SNX24: variants seen among roughly 807,000 people sequenced by gnomAD.
SNX24 encodes sorting nexin-24.
A neutral mutation model predicts 28.7 loss-of-function variants in SNX24; 22 were observed. That is an observed-to-expected ratio of 0.77 (90% CI 0.55 to 1.10). The LOEUF (loss-of-function observed/expected upper bound fraction) is 1.10, where lower values mean the gene tolerates loss of function less well. Ranked by LOEUF, SNX24 falls within the 50% of genes least tolerant of loss-of-function variation. The pLI is 0.00. For synonymous variants in SNX24, 69 were observed against 71.5 expected (o/e 0.96, Z 0.18); for missense variants, 221 against 201.1 (o/e 1.10, Z -0.60).
intron 1 of SNX24, among the ~76,000 whole-genome samples, chr5:122,915,003 C>T (rs979258341): frequency 1.3e-5 from 2 of 152,004 alleles, no homozygotes; most frequent in East Asian, 1.9e-4. Flanking sequence ...AACAGATGCA[C>T]GTTGAGTGTC....
chr5:122,928,044 TA>T (rs1327877635), intron 1 of SNX24, among the ~76,000 whole-genome samples: 1 of 152,242 alleles, frequency 6.6e-6, no homozygotes, highest in African/African-American at 2.4e-5. Flanking sequence ...ATAACATTTT[TA>T]TGTATTTTTA....
rs114837952 is a variant in SNX24, at chr5:122,868,078, A to G, written c.60+22385A>G. Among the ~76,000 whole-genome samples the G allele has an allele frequency of 8.3e-3, 1,263 of 152,350 alleles. 18 individuals are homozygous for G. Among genetic ancestry groups the G allele is most frequent in the African/African-American group, 0.029 (1,197 of 41,574 alleles). On this transcript the variant is annotated intron_variant, in intron 1 of 6. Coordinates refer to ENST00000261369, the MANE Select transcript of SNX24 (RefSeq NM_014035.4). ...GTGCACTTCCAGTTAATACCTGTAT[A>G]TCATGTAGAACCATCGTAAACCTCT...
chr5:122,909,933 A>G (rs541721859), intron 1 of SNX24, among the ~76,000 whole-genome samples: 1 of 152,322 alleles, frequency 6.6e-6, no homozygotes, highest in Non-Finnish European at 1.5e-5. Flanking sequence ...CTAATGGAAT[A>G]ATTCTTTCTA....
At chr5:122,930,848 C>T (rs1408759697) in intron 1 of SNX24, among the ~76,000 whole-genome samples, 1 of 152,122 alleles carries the variant, frequency 6.6e-6, no homozygotes, top group Admixed American at 6.6e-5. Flanking sequence ...TTTGTTGTGG[C>T]AATTATGGTA....
intron 1 of SNX24, among the ~76,000 whole-genome samples, chr5:122,861,760 C>T (rs1452874043): frequency 1.3e-5 from 2 of 151,224 alleles, no homozygotes; most frequent in Non-Finnish European, 2.9e-5. Flanking sequence ...ATATGCTAGT[C>T]CCCTCTTCTC....
At chr5:122,920,140 A>G (rs1210775592) in intron 1 of SNX24, among the ~76,000 whole-genome samples, 1 of 152,182 alleles carries the variant, frequency 6.6e-6, no homozygotes, top group African/African-American at 2.4e-5. Flanking sequence ...GAGAGGTGTG[A>G]AAAGTTTGGA....
intron 3 of SNX24, among the ~76,000 whole-genome samples, chr5:122,952,277 T>A (rs1477125806): frequency 6.6e-6 from 1 of 152,236 alleles, no homozygotes; most frequent in East Asian, 1.9e-4. Context: ...ACTCATTCTA[T>A]GCAGAATACG....
chr5:122,975,115 C>A (rs1249368789), intron 3 of SNX24, among the ~76,000 whole-genome samples: 1 of 152,204 alleles, frequency 6.6e-6, no homozygotes, highest in Non-Finnish European at 1.5e-5. Flanking sequence ...TATTCTTAAA[C>A]CTTAATGCAC....
chr5:122,959,406 A>G (rs1050302642), intron 3 of SNX24, among the ~76,000 whole-genome samples: 24 of 150,280 alleles, frequency 1.6e-4, no homozygotes, highest in Non-Finnish European at 3.0e-4. Flanking sequence ...TACATAATAT[A>G]TATATTAGAG....
chr5:122,850,098 G>A (rs78765182), intron 1 of SNX24, among the ~76,000 whole-genome samples: 4,261 of 152,290 alleles, frequency 0.028, 76 homozygotes, highest in Middle Eastern at 0.054. Context: ...AACATGATTA[G>A]CTTTGCATTT....
In SNX24 at chr5:122,845,613, A is replaced by G. The variant is rs762438453; in HGVS notation, c.-21A>G. On this transcript the variant is annotated 5_prime_UTR_variant, in exon 1 of 7. Transcript: ENST00000261369. ...GTGAGCCTGCCCCCAACTCGCCCTC[A>G]GCCGGCTGGCCGGCGCGGCCATGGA... 25 of 1,371,670 alleles carry G rather than the reference A, an allele frequency of 1.8e-5. No homozygotes were observed. The South Asian group carries it at 5.0e-4, about 28-fold the overall frequency. 85.0% of individuals were successfully genotyped at this position (1,371,670 alleles called of 1,614,324 possible).
At chr5:122,983,640 G>T (rs765137854) in intron 3 of SNX24, among the ~76,000 whole-genome samples, 3 of 152,140 alleles carry the variant, frequency 2.0e-5, no homozygotes, top group Non-Finnish European at 2.9e-5. Flanking sequence ...GTCTCATCTT[G>T]TTGCCCTGGC....
intron 3 of SNX24, among the ~76,000 whole-genome samples, chr5:122,988,896 T>C (rs889649733): frequency 3.9e-5 from 6 of 152,200 alleles, no homozygotes; most frequent in Admixed American, 2.6e-4. Context: ...TTTTTTATTT[T>C]TCATATGCTA....
chr5:123,024,113 G>A (rs1762814741), intron 5 of SNX24: 3 of 1,318,604 alleles, frequency 2.3e-6, no homozygotes, highest in South Asian at 3.2e-5. Context: ...AAATAAGGTT[G>A]GTTGGTTGGT....
chr5:122,897,221 A>T (rs1277204869), intron 1 of SNX24, among the ~76,000 whole-genome samples: 2 of 152,170 alleles, frequency 1.3e-5, no homozygotes, highest in African/African-American at 4.8e-5. Context: ...GAAATCAAAG[A>T]TGTCATTAGA....
chr5:122,946,308 GGTTGGTTCTT>G (rs2150125578), intron 3 of SNX24, 149 bp downstream of exon 3: 2 of 486,348 alleles, frequency 4.1e-6, no homozygotes, highest in Non-Finnish European at 7.4e-6. Context: ...ATATGTTGTT[GGTTGGTTCTT>G]GTAACTTTAA....
At chr5:123,024,652 G>T (rs1762825084) in intron 5 of SNX24, among the ~76,000 whole-genome samples, 1 of 152,218 alleles carries the variant, frequency 6.6e-6, no homozygotes, top group Non-Finnish European at 1.5e-5. Flanking sequence ...TAGGTTTTTG[G>T]TGGGTTTCCC....
At chr5:122,923,113 T>C (rs1464969523) in intron 1 of SNX24, among the ~76,000 whole-genome samples, 2 of 152,114 alleles carry the variant, frequency 1.3e-5, no homozygotes, top group East Asian at 3.9e-4. Flanking sequence ...AGCAGATCGC[T>C]TGAAGCCAAG....
chr5:122,885,550 T>C lies in SNX24; in HGVS notation c.60+39857T>C, dbSNP rs368475747. 4.5e-4 allele frequency among the ~76,000 whole-genome samples: 30 copies of C among 67,412 alleles called. No individual in the cohort carries two copies. In the South Asian group the frequency reaches 0.015, roughly 34 times the overall value. The allele number at this position is 67,412 out of a possible 152,430, so 44.2% of individuals were successfully genotyped here. A position where few individuals can be genotyped will look rare whatever the true frequency, so the allele number is the denominator to read the frequency against. ...GGTGTACTGAAAGCACCCATTCTTA[T>C]ATCTCTAAGGAATTTGGGGTCATTT... On this transcript the variant is annotated intron_variant, in intron 1 of 6. Coordinates refer to ENST00000261369, the MANE Select transcript of SNX24 (RefSeq NM_014035.4).
Sources: allele counts gnomAD v4.1 joint callset (sites outside exome capture counted in the v4.1 genomes callset), GRCh38; gene constraint gnomAD v4.1.1; transcripts MANE v1.5; gene names NCBI Gene and HGNC (gene_info 2026-07-23, HGNC 2026-07-21).